Variants in MYPN observed in about 807,000 individuals in gnomAD.
MYPN encodes the protein myopalladin.
MYPN carries 63 observed loss-of-function variants against 129.4 expected under a neutral mutation model. The ratio of observed to expected loss-of-function variants is 0.49; its 90% CI spans 0.40 to 0.60. The LOEUF is 0.60. Among genes scored for constraint, MYPN ranks in the 20% least tolerant of loss-of-function variants. The pLI, the probability that MYPN is intolerant of heterozygous loss-of-function variation, is 0.00. For missense variants in MYPN, 1,596 were observed against 1,635.4 expected (o/e 0.98, Z 0.42); for synonymous variants, 629 against 600.9 (o/e 1.05, Z -0.68).
Position 68,122,063 on chromosome 10 carries a change from T to G in MYPN, c.625T>G (p.Ser209Ala), listed in dbSNP as rs794729071. ...AGATCTGTCAGAAAGACGAGAAAGA[T>G]CTTCTGTTCCCATCCCTATCCCTGC... ...FSDLSERRERSSVPIPIPADT... is the reference protein window; with the variant it reads ...FSDLSERRERASVPIPIPADT... Residue 209 changes from serine (S) to alanine (A), a missense_variant, in exon 2 of 20, where the codon TCT (serine) becomes GCT (alanine). Coordinates refer to ENST00000358913, the MANE Select transcript of MYPN (RefSeq NM_032578.4). 1 of 1,614,070 alleles carries G rather than the reference T, an allele frequency of 6.2e-7. No individual in the cohort carries two copies. The highest frequency in any genetic ancestry group is 1.7e-5 in the Admixed American group (1 of 60,022).
chr10:68,106,553 T>G, upstream of MYPN: 1 of 674,358 alleles, frequency 1.5e-6, no homozygotes, highest in Non-Finnish European at 2.7e-6. Context: ...TTTTGTTTAG[T>G]TTTTTCATCT....
intron 16 of MYPN, among the ~76,000 whole-genome samples, chr10:68,199,003 TA>T (rs1259592542): frequency 6.6e-6 from 1 of 151,768 alleles, no homozygotes; most frequent in East Asian, 1.9e-4. Flanking sequence ...GTTTTTTTTT[TA>T]GAAAAAAAAT....
At chr10:68,122,795 C>T (rs1357232097) in intron 2 of MYPN, among the ~76,000 whole-genome samples, 2 of 151,304 alleles carry the variant, frequency 1.3e-5, no homozygotes, top group Admixed American at 6.6e-5. Context: ...CCAGCTACTC[C>T]GGAGGCTGAG....
At chr10:68,173,836 T>TTA (rs1382584440) in intron 10 of MYPN, among the ~76,000 whole-genome samples, 12 of 87,114 alleles carry the variant, frequency 1.4e-4, no homozygotes, top group South Asian at 1.0e-3. Flanking sequence ...TATATAATTT[T>TTA]TTTTTTTTTT....
At chr10:68,100,593 G>A (rs1263476796) in intron 1 of MYPN, among the ~76,000 whole-genome samples, 1 of 152,140 alleles carries the variant, frequency 6.6e-6, no homozygotes, top group Non-Finnish European at 1.5e-5. Context: ...AGGACCTTAT[G>A]TAAAACAAAG....
intron 17 of MYPN, 64 bp from the exon 18 acceptor site, chr10:68,201,764 GA>G: frequency 6.4e-7 from 1 of 1,568,256 alleles, no homozygotes; most frequent in Non-Finnish European, 8.6e-7. Flanking sequence ...CTGGGTGACA[GA>G]GCAAGACTCT....
intron 6 of MYPN, among the ~76,000 whole-genome samples, chr10:68,156,073 A>T (rs755631211): frequency 2.0e-5 from 3 of 152,230 alleles, no homozygotes; most frequent in Non-Finnish European, 4.4e-5. Flanking sequence ...GAACTGGCTC[A>T]TATATCTGAG....
intron 2 of MYPN, among the ~76,000 whole-genome samples, chr10:68,142,215 C>A (rs746155664): frequency 4.6e-5 from 7 of 152,132 alleles, no homozygotes; most frequent in Non-Finnish European, 8.8e-5. Flanking sequence ...CAATCTTCTA[C>A]GTGAAGAATG....
At chr10:68,122,389 CATG>C in intron 2 of MYPN, 49 bp downstream of exon 2, 1 of 1,579,008 alleles carries the variant, frequency 6.3e-7, no homozygotes, top group East Asian at 2.2e-5. Flanking sequence ...TTCCATCTAC[CATG>C]ACCCTCCCAA....
chr10:68,139,055 A>G (rs2042532075), intron 2 of MYPN, among the ~76,000 whole-genome samples: 1 of 152,084 alleles, frequency 6.6e-6, no homozygotes, highest in South Asian at 2.1e-4. Flanking sequence ...GTTTTTCCCT[A>G]GAGAAATCCC....
chr10:68,109,811 T>C (rs2042056585), intron 1 of MYPN, 88 bp downstream of exon 1: 3 of 380,860 alleles, frequency 7.9e-6, no homozygotes, highest in Non-Finnish European at 1.6e-5. Context: ...CTCATTACTG[T>C]TACTTGAAAT....
rs1178508898 is a variant in MYPN at position 68,211,966 on chromosome 10, C to T, written c.*1511C>T. The T allele has an allele frequency of 2.8e-6, 1 of 363,140 alleles. No homozygotes were observed. The highest frequency in any genetic ancestry group is 5.4e-6 in the Non-Finnish European group (1 of 185,090). The allele number at this position is 363,140 out of a possible 1,614,324, so 22.5% of individuals were successfully genotyped here. A position where few individuals can be genotyped will look rare whatever the true frequency, so the allele number is the denominator to read the frequency against. The stretch of plus-strand genomic sequence containing the variant: ...GCTTAGAAAGGCTTGAAACTGTCTT[C>T]ACTTCAAGGCAAGGATTTCCAGCAT... On this transcript the variant is annotated 3_prime_UTR_variant, in exon 20 of 20. Transcript: ENST00000358913.
intron 12 of MYPN, among the ~76,000 whole-genome samples, chr10:68,188,039 A>G (rs1159068163): frequency 6.8e-6 from 1 of 146,868 alleles, no homozygotes; most frequent in Non-Finnish European, 1.5e-5. Flanking sequence ...ATTATTTCAC[A>G]TGGTTTTGTT....
chr10:68,152,672 G>T (rs2042792662), intron 6 of MYPN, among the ~76,000 whole-genome samples: 1 of 152,156 alleles, frequency 6.6e-6, no homozygotes, highest in Non-Finnish European at 1.5e-5. Context: ...TTTCAGTCTT[G>T]TTGCCCAGGC....
intron 1 of MYPN, among the ~76,000 whole-genome samples, chr10:68,121,015 A>AC (rs1214336140): frequency 6.6e-6 from 1 of 152,172 alleles, no homozygotes; most frequent in Non-Finnish European, 1.5e-5. Context: ...ACAGTGGCTC[A>AC]CCCCTATAAT....
intron 8 of MYPN, among the ~76,000 whole-genome samples, chr10:68,165,161 C>A (rs2043033303): frequency 6.6e-6 from 1 of 152,228 alleles, no homozygotes; most frequent in South Asian, 2.1e-4. Flanking sequence ...TTTACAAAAT[C>A]CCCTTGTCAG....
rs2043687318 is a variant in MYPN at position 68,200,239 on chromosome 10, T to C, written c.3493+664T>C. The stretch of plus-strand genomic sequence containing the variant: ...ACATCTCCAGTGCCTCTGTCTCTCT[T>C]CTGCATATCTCAGTGCCTGGAACAT... On this transcript the variant is annotated intron_variant, in intron 17 of 19. Coordinates refer to ENST00000358913, the MANE Select transcript of MYPN (RefSeq NM_032578.4). Among the ~76,000 whole-genome samples, 4 of 152,340 alleles carry C rather than the reference T, an allele frequency of 2.6e-5. No individual in the cohort carries two copies. In the South Asian group the frequency reaches 8.3e-4, roughly 32 times the overall value.
intron 12 of MYPN, among the ~76,000 whole-genome samples, chr10:68,184,905 G>A (rs1219268498): frequency 1.3e-5 from 2 of 152,152 alleles, no homozygotes; most frequent in Non-Finnish European, 2.9e-5. Flanking sequence ...CATCGAGAGA[G>A]GAAAGAGGAG....
At chr10:68,123,520 C>CA (rs56730644) in intron 2 of MYPN, among the ~76,000 whole-genome samples, 3,632 of 118,050 alleles carry the variant, frequency 0.031, 118 homozygotes, top group African/African-American at 0.081. Flanking sequence ...ACTAAAAATA[C>CA]AAAAAAAAAA....
Sources: allele counts gnomAD v4.1 joint callset (sites outside exome capture counted in the v4.1 genomes callset), GRCh38; gene constraint gnomAD v4.1.1; transcripts MANE v1.5; gene names NCBI Gene and HGNC (gene_info 2026-07-23, HGNC 2026-07-21).